Variants in DNAH17 observed in about 807,000 individuals in gnomAD.
DNAH17 encodes axonemal beta dynein heavy chain 17.
DNAH17 carries 376 observed loss-of-function variants against 485.6 expected under a neutral mutation model. The observed-to-expected ratio is 0.77, with a 90% CI of 0.71 to 0.84. The LOEUF is 0.84. Ranked by LOEUF, DNAH17 falls within the 40% of genes least tolerant of loss-of-function variation. The pLI, the probability that DNAH17 is intolerant of heterozygous loss-of-function variation, is 0.00. For synonymous variants in DNAH17, 3,031 were observed against 2,405.9 expected, an observed-to-expected ratio of 1.26 and a Z score of -7.60; for missense variants, 6,370 against 5,839.3, an observed-to-expected ratio of 1.09 and a Z score of -2.96.
intron 3 of DNAH17, among the ~76,000 whole-genome samples, 162 bp downstream of exon 3, chr17:78,572,539 C>T (rs1276987367): frequency 6.6e-6 from 1 of 151,720 alleles, no homozygotes; most frequent in African/African-American, 2.4e-5. Flanking sequence ...CTCAGCACCA[C>T]CTAACGCACC....
At position 78,437,564 on chromosome 17, in the gene DNAH17, G is replaced by T. The variant is rs1322700890; in HGVS notation, c.12033+77C>A. On this transcript the variant is annotated intron_variant, in intron 74 of 80. Coordinates refer to ENST00000389840, the MANE Select transcript of DNAH17 (RefSeq NM_173628.4). ...CCCAGAGTTCAGAGCGGTCCTCAGT[G>T]GTCCTCGGGGCCCCAAGGGATGGAT... 8 of 1,173,576 alleles carry T rather than the reference G, an allele frequency of 6.8e-6. No homozygotes were observed. In the African/African-American group the frequency reaches 1.1e-4, roughly 16 times the overall value. The allele number at this position is 1,173,576 out of a possible 1,614,324, so 72.7% of individuals were successfully genotyped here.
chr17:78,484,632 C>T (rs1002542119), intron 48 of DNAH17: 7 of 327,100 alleles, frequency 2.1e-5, no homozygotes, highest in Admixed American at 1.9e-4. Context: ...GGGTGATGGA[C>T]GAAACTGATA....
chr17:78,550,431 G>C (rs2091877254), intron 16 of DNAH17, among the ~76,000 whole-genome samples: 1 of 7,400 alleles, frequency 1.4e-4, no homozygotes. Flanking sequence ...CCATACCTCA[G>C]AATGCAATGG....
chr17:78,525,219 C>T (rs1427134129), intron 24 of DNAH17, 58 bp from the exon 25 acceptor site: 32 of 1,576,440 alleles, frequency 2.0e-5, no homozygotes, highest in Non-Finnish European at 2.8e-5. Context: ...TGCCCCACCC[C>T]ACTCCCCGAC....
intron 17 of DNAH17, among the ~76,000 whole-genome samples, chr17:78,543,177 C>T (rs568911390): frequency 6.6e-5 from 10 of 152,168 alleles, no homozygotes; most frequent in African/African-American, 9.7e-5. Flanking sequence ...TGCAGTGGTG[C>T]GATCTTGGTT....
At chr17:78,433,095 G>A (rs138156232) in intron 75 of DNAH17, among the ~76,000 whole-genome samples, 18 of 152,268 alleles carry the variant, frequency 1.2e-4, no homozygotes, top group Non-Finnish European at 1.8e-4. Context: ...GGTCCATGTC[G>A]CTATTGATTT....
At chr17:78,567,700 G>A (rs2092290091) in intron 9 of DNAH17, among the ~76,000 whole-genome samples, 1 of 152,172 alleles carries the variant, frequency 6.6e-6, no homozygotes, top group Admixed American at 6.5e-5. Flanking sequence ...TGTGGCTCAT[G>A]CCCCCTCTCC....
In DNAH17 at chr17:78,476,615, G is replaced by A. The variant is rs370200020; in HGVS notation, c.8111C>T (p.Thr2704Ile). 2.4e-4 allele frequency: 388 copies of A among 1,611,750 alleles called. 1 individual carries two copies. The East Asian group carries it at 5.1e-3, about 21-fold the overall frequency. ...DKMVDEKDQE[T>I]LHRVTMASTK... is the part of the protein sequence containing the mutation. ...GGAGGCCATGGTGACTCTATGCAAT[G>A]TTTCCTGGTCTTTTTCGTCAACCAT... Residue 2704 changes from threonine (T) to isoleucine (I), a missense_variant, in exon 52 of 81, where the codon ACA (threonine) becomes ATA (isoleucine). Coordinates refer to ENST00000389840, the MANE Select transcript of DNAH17 (RefSeq NM_173628.4).
chr17:78,477,102 C>T (rs1407308835), intron 51 of DNAH17, among the ~76,000 whole-genome samples: 8 of 152,192 alleles, frequency 5.3e-5, no homozygotes, highest in Non-Finnish European at 1.0e-4. Flanking sequence ...CTGGTCCAGT[C>T]CTGGCTTGGC....
chr17:78,537,000 C>T (rs1304816076), intron 19 of DNAH17, among the ~76,000 whole-genome samples: 1 of 151,688 alleles, frequency 6.6e-6, no homozygotes, highest in Non-Finnish European at 1.5e-5. Context: ...ACGGTTAAAC[C>T]CAGTCTCTAC....
chr17:78,444,107 A>G (rs2087179217), intron 71 of DNAH17, among the ~76,000 whole-genome samples: 1 of 152,044 alleles, frequency 6.6e-6, no homozygotes, highest in African/African-American at 2.4e-5. Context: ...GATTGACTTT[A>G]CGTTTTGCCA....
chr17:78,560,407 C>CA (rs2092126526), intron 13 of DNAH17, among the ~76,000 whole-genome samples: 1 of 152,134 alleles, frequency 6.6e-6, no homozygotes, highest in African/African-American at 2.4e-5. Context: ...CCAGAGCCCA[C>CA]AAGTGTGAAT....
intron 73 of DNAH17, among the ~76,000 whole-genome samples, chr17:78,438,809 T>C (rs2086956719): frequency 6.6e-6 from 1 of 152,040 alleles, no homozygotes; most frequent in Non-Finnish European, 1.5e-5. Context: ...ATCTGTTGTT[T>C]AAATAATCTC....
chr17:78,480,367 C>CA (rs1568123047), intron 49 of DNAH17, among the ~76,000 whole-genome samples: 2 of 151,166 alleles, frequency 1.3e-5, no homozygotes, highest in African/African-American at 4.9e-5. Context: ...AACAAAACAA[C>CA]AAAAAAAGAA....
chr17:78,491,884 GCACCCAGCTCTGTCCATCTGTC>G (rs2089873501), intron 42 of DNAH17, among the ~76,000 whole-genome samples: 2 of 152,344 alleles, frequency 1.3e-5, no homozygotes, highest in South Asian at 4.1e-4. Context: ...CAGCACCTGT[GCACCCAGCTCTGTCCATCTGTC>G]CACTCACACG....
At chr17:78,468,215 C>T (rs77096778) in intron 55 of DNAH17, among the ~76,000 whole-genome samples, 3 of 151,886 alleles carry the variant, frequency 2.0e-5, no homozygotes, top group African/African-American at 4.8e-5. Flanking sequence ...CAACTATTTA[C>T]ATAGCATTCT....
At chr17:78,441,029 A>T in intron 72 of DNAH17, 22 bp downstream of exon 72, 1 of 1,559,516 alleles carries the variant, frequency 6.4e-7, no homozygotes, top group Non-Finnish European at 8.7e-7. Flanking sequence ...CTTTGAGAAC[A>T]TCACTTGCCT....
chr17:78,479,704 C>G (rs933677648), intron 49 of DNAH17, 72 bp from the exon 50 acceptor site: 1 of 1,591,600 alleles, frequency 6.3e-7, no homozygotes, highest in Non-Finnish European at 8.5e-7. Flanking sequence ...GCCACCTTCG[C>G]GGGAGAGTGG....
intron 52 of DNAH17, 115 bp from the exon 53 acceptor site, chr17:78,475,948 C>CA (rs757893542): frequency 2.1e-5 from 25 of 1,203,810 alleles, no homozygotes; most frequent in Non-Finnish European, 2.8e-5. Context: ...CACGGGGTCC[C>CA]AGGCCAAGTC....
Sources: gnomAD v4.1 joint callset for allele counts (sites outside exome capture counted in the v4.1 genomes callset) on GRCh38, gnomAD v4.1.1 for gene constraint, MANE v1.5 for transcripts, NCBI Gene and HGNC (gene_info 2026-07-23, HGNC 2026-07-21) for gene names.